Variants in GULP1 observed in about 807,000 individuals in gnomAD.
GULP1 encodes the protein GULP PTB domain containing engulfment adaptor 1, also known as PTB domain-containing engulfment adapter protein 1.
A neutral mutation model predicts 40.9 loss-of-function variants in GULP1; 19 were observed. That is an observed-to-expected ratio of 0.46 (90% confidence interval 0.32 to 0.68). GULP1 has a LOEUF of 0.68. Ranked by LOEUF, GULP1 falls within the 30% of genes least tolerant of loss-of-function variation. The probability of loss-of-function intolerance (pLI) is 0.03; values close to 1 mark genes in which losing one functional copy is unlikely to be tolerated. For synonymous variants in GULP1, 119 were observed against 117.6 expected, an observed-to-expected ratio of 1.01 and a Z score of -0.08; for missense variants, 312 against 362.2, an observed-to-expected ratio of 0.86 and a Z score of 1.12.
chr2:188,500,008 C>A (rs1411187007), intron 4 of GULP1, among the ~76,000 whole-genome samples: 1 of 151,790 alleles, frequency 6.6e-6, no homozygotes, highest in East Asian at 1.9e-4. Context: ...CTAATACAGA[C>A]AATCATTTTA....
chr2:188,472,232 A>G (rs1403244372), intron 2 of GULP1, among the ~76,000 whole-genome samples: 3 of 151,998 alleles, frequency 2.0e-5, no homozygotes, highest in Non-Finnish European at 4.4e-5. Context: ...GAGTTTGATT[A>G]TTAATGGCCT....
chr2:188,390,789 T>A (rs965912614), intron 2 of GULP1, among the ~76,000 whole-genome samples: 1 of 151,984 alleles, frequency 6.6e-6, no homozygotes, highest in Non-Finnish European at 1.5e-5. Flanking sequence ...GTTGTTTTTT[T>A]AAAATAAGAT....
intron 2 of GULP1, among the ~76,000 whole-genome samples, chr2:188,465,378 A>C (rs2060026570): frequency 6.6e-6 from 1 of 151,948 alleles, no homozygotes; most frequent in South Asian, 2.1e-4. Flanking sequence ...GCTGGTATCC[A>C]AGAGGCAAGA....
At chr2:188,571,357 G>T (rs1330299289) in intron 9 of GULP1, among the ~76,000 whole-genome samples, 25 of 152,016 alleles carry the variant, frequency 1.6e-4, no homozygotes, top group Admixed American at 1.6e-3. Context: ...TTCATTTAGG[G>T]TTTCAAACTT....
At chr2:188,350,719 C>T (rs1274212106) in intron 1 of GULP1, among the ~76,000 whole-genome samples, 2 of 151,694 alleles carry the variant, frequency 1.3e-5, no homozygotes, top group Non-Finnish European at 2.9e-5. Context: ...TTAATTGTAA[C>T]AAATTTTTGA....
chr2:188,516,668 A>C (rs1480466582), intron 4 of GULP1, among the ~76,000 whole-genome samples: 1 of 152,136 alleles, frequency 6.6e-6, no homozygotes, highest in Non-Finnish European at 1.5e-5. Context: ...AGAAGATATT[A>C]AATCTGATTG....
At chr2:188,444,374 A>T (rs115210596) in intron 2 of GULP1, among the ~76,000 whole-genome samples, 1 of 152,356 alleles carries the variant, frequency 6.6e-6, no homozygotes, top group Admixed American at 6.5e-5. Context: ...CATGGTGCAC[A>T]TGATAAATAT....
rs189919068 is a variant in GULP1, at chr2:188,562,752, A to G, written c.400-6487A>G. On this transcript the variant is annotated intron_variant, in intron 7 of 11. Coordinates refer to ENST00000409830, the MANE Select transcript of GULP1 (RefSeq NM_016315.4). ...GAGTATACTTTCCTTTTGAATGCAC[A>G]TGGAATGTTTACAGAGGTATACTAT... Among the ~76,000 whole-genome samples, 280 of 152,282 alleles carry G rather than the reference A, an allele frequency of 1.8e-3. 1 individual carries two copies. The highest frequency in any genetic ancestry group is 6.3e-3 in the African/African-American group (261 of 41,566).
intron 6 of GULP1, among the ~76,000 whole-genome samples, chr2:188,538,705 G>A (rs1689614952): frequency 6.6e-6 from 1 of 151,634 alleles, no homozygotes; most frequent in Admixed American, 6.6e-5. Context: ...GTGTGTGTGT[G>A]TGTGTGTGTG....
chr2:188,571,396 G>T (rs576014326), intron 9 of GULP1, among the ~76,000 whole-genome samples: 6 of 152,216 alleles, frequency 3.9e-5, no homozygotes, highest in African/African-American at 1.4e-4. Context: ...GTCAAAAAAT[G>T]ATTTTTCCTG....
At chr2:188,425,995 A>G (rs954324428) in intron 2 of GULP1, among the ~76,000 whole-genome samples, 1 of 152,186 alleles carries the variant, frequency 6.6e-6, no homozygotes, top group Non-Finnish European at 1.5e-5. Context: ...ATTGTTACAC[A>G]GTCTCAGGAA....
chr2:188,296,444 T>G (rs1214785375), intron 1 of GULP1, among the ~76,000 whole-genome samples: 1 of 152,144 alleles, frequency 6.6e-6, no homozygotes, highest in East Asian at 1.9e-4. Context: ...TTACCATGCA[T>G]GATTGTCATC....
At chr2:188,457,584 A>G (rs2059370476) in intron 2 of GULP1, among the ~76,000 whole-genome samples, 1 of 152,192 alleles carries the variant, frequency 6.6e-6, no homozygotes, top group Non-Finnish European at 1.5e-5. Context: ...ATTTCTTTAT[A>G]AGCAGCATGA....
At chr2:188,373,295 G>C (rs1216379148) in intron 1 of GULP1, among the ~76,000 whole-genome samples, 2 of 151,818 alleles carry the variant, frequency 1.3e-5, no homozygotes. Context: ...CTTTCTGAGG[G>C]AGCAATGAAG....
At chr2:188,535,801 A>G (rs915763761) in intron 6 of GULP1, among the ~76,000 whole-genome samples, 1 of 152,168 alleles carries the variant, frequency 6.6e-6, no homozygotes, top group African/African-American at 2.4e-5. Flanking sequence ...GAACTAAATT[A>G]CATTCCCACC....
chr2:188,569,497 A>T, intron 8 of GULP1, 142 bp downstream of exon 8: 1 of 664,428 alleles, frequency 1.5e-6, no homozygotes, highest in Non-Finnish European at 2.7e-6. Flanking sequence ...TGTTCCCATA[A>T]TTTTTCGTTC....
intron 11 of GULP1, chr2:188,592,317 T>A (rs1369405951): frequency 6.6e-6 from 1 of 152,032 alleles, no homozygotes; most frequent in Admixed American, 6.6e-5. Flanking sequence ...CTATTTACCA[T>A]TTGTAATATA....
chr2:188,412,071 A>G (rs1025190720), intron 2 of GULP1, among the ~76,000 whole-genome samples: 4 of 152,110 alleles, frequency 2.6e-5, no homozygotes, highest in African/African-American at 9.7e-5. Flanking sequence ...CCACTTCCTT[A>G]TGTAACTTAC....
chr2:188,400,070 T>C (rs948988539), intron 2 of GULP1, among the ~76,000 whole-genome samples: 7 of 152,158 alleles, frequency 4.6e-5, no homozygotes, highest in African/African-American at 1.7e-4. Flanking sequence ...ATAACAGTTA[T>C]GGAGGATAGA....
Sources: gnomAD v4.1 joint callset for allele counts (sites outside exome capture counted in the v4.1 genomes callset) on GRCh38, gnomAD v4.1.1 for gene constraint, MANE v1.5 for transcripts, NCBI Gene and HGNC (gene_info 2026-07-23, HGNC 2026-07-21) for gene names.